Variants in ARHGEF28 observed in about 807,000 individuals in gnomAD.
ARHGEF28 encodes the protein 190 kDa guanine nucleotide exchange factor.
In ARHGEF28, 152 loss-of-function variants were observed where a neutral mutation model predicts 206.6. The observed-to-expected ratio is 0.74, with a 90% CI of 0.64 to 0.84. The LOEUF is 0.84. Among genes scored for constraint, ARHGEF28 ranks in the 40% least tolerant of loss-of-function variants. The pLI is 0.00. For synonymous variants in ARHGEF28, 763 were observed against 776.4 expected (o/e 0.98, Z 0.29); for missense variants, 2,028 against 2,073.2 (o/e 0.98, Z 0.42).
intron 1 of ARHGEF28, among the ~76,000 whole-genome samples, chr5:73,632,482 A>T (rs1743430409): frequency 6.6e-6 from 1 of 152,248 alleles, no homozygotes; most frequent in Admixed American, 6.5e-5. Context: ...CCTCATGACC[A>T]TAAAGATAAT....
At chr5:73,678,912 G>A (rs1423570709) in intron 1 of ARHGEF28, among the ~76,000 whole-genome samples, 1 of 152,134 alleles carries the variant, frequency 6.6e-6, no homozygotes, top group Non-Finnish European at 1.5e-5. Flanking sequence ...ACAGGGTCTG[G>A]CTCTGTTGCT....
chr5:73,668,420 C>T (rs957969714), intron 1 of ARHGEF28, among the ~76,000 whole-genome samples: 3 of 152,188 alleles, frequency 2.0e-5, no homozygotes, highest in Non-Finnish European at 2.9e-5. Flanking sequence ...GTTGGAATGG[C>T]AAGAGAGCAT....
intron 1 of ARHGEF28, among the ~76,000 whole-genome samples, chr5:73,626,693 T>C (rs1743034491): frequency 6.6e-6 from 1 of 151,910 alleles, no homozygotes; most frequent in Non-Finnish European, 1.5e-5. Flanking sequence ...ACGTCGAGAG[T>C]TGGTGTCCGC....
At position 73,868,215 on chromosome 5, in the gene ARHGEF28, T is replaced by C. The variant is rs1358320571; in HGVS notation, c.2413T>C (p.Phe805Leu). The C allele has an allele frequency of 6.3e-7, 1 of 1,585,014 alleles. No individual in the cohort carries two copies. The change falls in exon 20 of 36, where the codon TTC becomes CTC. Residue 805 changes from phenylalanine to leucine, a missense_variant. By Grantham distance (22) the Phe-to-Leu change is conservative. Around this residue, in one of 3 missense-constraint regions of ARHGEF28, gnomAD observed 1,002 missense variants for 1,015.3 expected, o/e 0.99. Transcript: ENST00000513042. Reference sequence around the variant, plus strand: ...GGGCTCTTCTCCCTCTACAGAGTCTTTCATAATGGAAGGTGAGGAGAAGAC... The same window carrying C: ...GGGCTCTTCTCCCTCTACAGAGTCTCTCATAATGGAAGGTGAGGAGAAGAC... ...SMGSSPSTES[F>L]IMEDVVDSSL...
intron 20 of ARHGEF28, among the ~76,000 whole-genome samples, chr5:73,869,229 G>T (rs934507094): frequency 8.0e-6 from 1 of 125,516 alleles, no homozygotes; most frequent in African/African-American, 3.1e-5. Flanking sequence ...GGGTGGAGGG[G>T]GGTGGGGAAG....
intron 33 of ARHGEF28, chr5:73,909,000 T>G (rs1309936599): frequency 6.3e-6 from 1 of 157,622 alleles, no homozygotes; most frequent in Non-Finnish European, 1.4e-5. Flanking sequence ...TGTGGATTCT[T>G]AAGTTCTCAT....
At chr5:73,779,876 T>C (rs1293360574) in intron 6 of ARHGEF28, among the ~76,000 whole-genome samples, 1 of 152,210 alleles carries the variant, frequency 6.6e-6, no homozygotes, top group African/African-American at 2.4e-5. Context: ...TTACTCCAGC[T>C]GCAGGGCATT....
At chr5:73,916,199 T>G (rs1238090817) in intron 35 of ARHGEF28, among the ~76,000 whole-genome samples, 1 of 152,170 alleles carries the variant, frequency 6.6e-6, no homozygotes, top group African/African-American at 2.4e-5. Context: ...GGATGATAAT[T>G]TCTCATGTTT....
At chr5:73,731,396 G>A (rs1255200777) in intron 2 of ARHGEF28, among the ~76,000 whole-genome samples, 3 of 152,138 alleles carry the variant, frequency 2.0e-5, no homozygotes, top group African/African-American at 7.2e-5. Flanking sequence ...GCATGCCTTT[G>A]CTTGGCTATT....
At chr5:73,701,025 T>C (rs910509379) in intron 2 of ARHGEF28, among the ~76,000 whole-genome samples, 1 of 152,208 alleles carries the variant, frequency 6.6e-6, no homozygotes, top group African/African-American at 2.4e-5. Context: ...TTATTGTTCT[T>C]TACATCTTTA....
chr5:73,684,943 G>A, intron 2 of ARHGEF28, 59 bp downstream of exon 2: 2 of 1,549,714 alleles, frequency 1.3e-6, no homozygotes, highest in Non-Finnish European at 1.8e-6. Context: ...TCCAAACCAT[G>A]TGACTGAAGT....
At chr5:73,761,392 T>G (rs1027246682) in intron 4 of ARHGEF28, among the ~76,000 whole-genome samples, 2 of 152,160 alleles carry the variant, frequency 1.3e-5, no homozygotes, top group African/African-American at 4.8e-5. Flanking sequence ...GTTTTAAAAC[T>G]ACCAATGTTT....
chr5:73,911,386 A>G lies in ARHGEF28; in HGVS notation c.4759A>G (p.Ile1587Val). 1 of 1,613,970 alleles carries G rather than the reference A, an allele frequency of 6.2e-7. No individual in the cohort carries two copies. The highest frequency in any genetic ancestry group is 1.1e-5 in the South Asian group (1 of 91,072). ...TTTCAACAAACTGAATCCATCAGTT[A>G]TCCATCAGGATGCCACTTACCCTAC... ...NTFNKLNPSV[I>V]HQDATYPTTQ... The change falls in exon 35 of 36, where the codon ATC becomes GTC. Residue 1587 changes from isoleucine to valine, a missense_variant. Physicochemically the swap from Ile to Val is conservative, Grantham distance 29. Coordinates refer to ENST00000513042, the MANE Select transcript of ARHGEF28 (RefSeq NM_001177693.2).
chr5:73,751,987 C>A (rs545532984), intron 3 of ARHGEF28, among the ~76,000 whole-genome samples: 1 of 152,146 alleles, frequency 6.6e-6, no homozygotes, highest in Admixed American at 6.5e-5. Flanking sequence ...GGAGCCCTAG[C>A]TGCAAAGCCT....
At chr5:73,751,150 C>T (rs573094518) in intron 3 of ARHGEF28, among the ~76,000 whole-genome samples, 6 of 152,352 alleles carry the variant, frequency 3.9e-5, no homozygotes, top group African/African-American at 1.4e-4. Flanking sequence ...TGGCTCATGC[C>T]TGTAATCCCA....
At chr5:73,656,664 G>A (rs1406040074) in intron 1 of ARHGEF28, among the ~76,000 whole-genome samples, 1 of 152,126 alleles carries the variant, frequency 6.6e-6, no homozygotes, top group Non-Finnish European at 1.5e-5. Context: ...ACTATTGTCA[G>A]AATGATCCTG....
chr5:73,792,965 C>A (rs961542150), intron 7 of ARHGEF28, among the ~76,000 whole-genome samples: 9 of 152,242 alleles, frequency 5.9e-5, no homozygotes, highest in African/African-American at 1.7e-4. Flanking sequence ...CATTTAAAGG[C>A]CGGCAGGGAT....
chr5:73,917,000 G>A (rs140455464), intron 35 of ARHGEF28, among the ~76,000 whole-genome samples: 2 of 152,246 alleles, frequency 1.3e-5, no homozygotes, highest in African/African-American at 4.8e-5. Context: ...TAGAAATTAA[G>A]GCAGGAATAT....
Position 73,909,648 on chromosome 5 carries a change from G to T in ARHGEF28, c.4398G>T (p.Ala1466=). The change falls in exon 34 of 36, where the codon GCG becomes GCT. Residue 1466 remains alanine, a synonymous_variant. Coordinates refer to ENST00000513042, the MANE Select transcript of ARHGEF28 (RefSeq NM_001177693.2). ...RRCEQQQRAQ[A]TRESWLQERE... is the part of the protein sequence containing the mutation. ...GTGAGCAGCAGCAGCGGGCGCAGGC[G>T]ACCAGGGAGAGCTGGCTGCAGGAGC... The T allele has an allele frequency of 6.5e-7, 1 of 1,547,230 alleles. No individual in the cohort carries two copies. The highest frequency in any genetic ancestry group is 1.2e-5 in the South Asian group (1 of 83,942).
Sources: gnomAD v4.1 joint callset for allele counts (sites outside exome capture counted in the v4.1 genomes callset) on GRCh38, gnomAD v4.1.1 for gene constraint, gnomAD v4.1.1 regional missense constraint, MANE v1.5 for transcripts, NCBI Gene and HGNC (gene_info 2026-07-23, HGNC 2026-07-21) for gene names.